HPS5: variants seen among roughly 807,000 people sequenced by gnomAD.
HPS5 encodes the protein BLOC-2 complex member HPS5.
HPS5 carries 83 observed loss-of-function variants against 128.0 expected under a neutral mutation model. The ratio of observed to expected loss-of-function variants is 0.65; its 90% CI spans 0.54 to 0.78. The LOEUF (loss-of-function observed/expected upper bound fraction) is 0.78. Among genes scored for constraint, HPS5 ranks in the 30% least tolerant of loss-of-function variants. The pLI, the probability that HPS5 is intolerant of heterozygous loss-of-function variation, is 0.00. For synonymous variants in HPS5, 475 were observed against 470.2 expected (o/e 1.01, Z -0.13); for missense variants, 1,281 against 1,326.2 (o/e 0.97, Z 0.53).
intron 22 of HPS5, among the ~76,000 whole-genome samples, chr11:18,280,816 A>G (rs1858797393): frequency 6.6e-6 from 1 of 152,216 alleles, no homozygotes; most frequent in Non-Finnish European, 1.5e-5. Context: ...AATTCCACTG[A>G]GATGAGGTAT....
At chr11:18,297,946 G>A (rs1308599795) in intron 10 of HPS5, among the ~76,000 whole-genome samples, 1 of 151,772 alleles carries the variant, frequency 6.6e-6, no homozygotes, top group East Asian at 1.9e-4. Flanking sequence ...TGGGCATGGG[G>A]GCAGGCATCT....
intron 2 of HPS5, among the ~76,000 whole-genome samples, chr11:18,312,270 T>C (rs1247563928): frequency 6.6e-6 from 1 of 152,210 alleles, no homozygotes; most frequent in African/African-American, 2.4e-5. Context: ...ATTGTATGAG[T>C]AATTTTCCCT....
At chr11:18,281,627 A>T (rs537147982) in intron 22 of HPS5, among the ~76,000 whole-genome samples, 1 of 151,974 alleles carries the variant, frequency 6.6e-6, no homozygotes, top group East Asian at 1.9e-4. Context: ...GATGGTCTCA[A>T]TCTCTTGACC....
At chr11:18,297,805 C>G (rs1432805579) in intron 10 of HPS5, 88 bp from the exon 11 acceptor site, 1 of 1,247,422 alleles carries the variant, frequency 8.0e-7, no homozygotes, top group Admixed American at 1.7e-5. Flanking sequence ...CTAGGCCGGG[C>G]ACGGTGGCTC....
Position 18,279,784 on chromosome 11 carries a change from G to T in HPS5, c.*98C>A. ...CCCAATAAGATGGCAGGATTTGGGG[G>T]TGGTGTCTTTCCTTCAATAACAAAT... On this transcript the variant is annotated 3_prime_UTR_variant, in exon 23 of 23. Coordinates refer to ENST00000349215, the MANE Select transcript of HPS5 (RefSeq NM_181507.2). The T allele has an allele frequency of 8.7e-7, 1 of 1,148,864 alleles. No individual in the cohort carries two copies. Among genetic ancestry groups the T allele is most frequent in the Non-Finnish European group, 1.3e-6 (1 of 767,398 alleles). 71.2% of individuals were successfully genotyped at this position (1,148,864 alleles called of 1,614,324 possible).
chr11:18,288,203 C>A (rs1057061940), intron 16 of HPS5, among the ~76,000 whole-genome samples, 190 bp from the exon 17 acceptor site: 1 of 152,082 alleles, frequency 6.6e-6, no homozygotes, highest in Admixed American at 6.6e-5. Context: ...CTTTTAAGAA[C>A]CTTAAAATCT....
In HPS5 at chr11:18,310,753, A is replaced by G. The variant is rs755542368; in HGVS notation, c.465T>C (p.Ser155=). 1 of 1,613,356 alleles carries G rather than the reference A, an allele frequency of 6.2e-7. No individual in the cohort carries two copies. The highest frequency in any genetic ancestry group is 8.5e-7 in the Non-Finnish European group (1 of 1,179,352). The change falls in exon 5 of 23, where the codon TCT becomes TCC. Residue 155 remains serine, a synonymous_variant. Coordinates refer to ENST00000349215, the MANE Select transcript of HPS5 (RefSeq NM_181507.2). ...GKVSAIKLNT[S]KQAKAAAAFV... Reference sequence around the variant, plus strand: ...GACTGCTTCTCACCTTTGCTTGTTTAGAAGTATTGAGTTTGATAGCAGAAA... The same window carrying G: ...GACTGCTTCTCACCTTTGCTTGTTTGGAAGTATTGAGTTTGATAGCAGAAA...
At chr11:18,280,088 A>C (rs1564919867) in intron 22 of HPS5, 146 bp from the exon 23 acceptor site, 4 of 767,396 alleles carry the variant, frequency 5.2e-6, no homozygotes, top group Non-Finnish European at 4.5e-6. Context: ...GTGAAAAGGC[A>C]ACCTACAGAA....
Position 18,306,241 on chromosome 11 carries a change from G to A in HPS5, c.718C>T (p.Arg240Cys), listed in dbSNP as rs181011884. The change falls in exon 7 of 23, where the codon CGC becomes TGC. Residue 240 changes from arginine (R) to cysteine (C), a missense_variant. By Grantham distance (180) the Arg-to-Cys change is radical. Coordinates refer to ENST00000349215, the MANE Select transcript of HPS5 (RefSeq NM_181507.2). ...GGQQPLIYCARPGSRMWEVNF... is the reference protein window; with the variant it reads ...GGQQPLIYCACPGSRMWEVNF... ...ACTTCCCACATCCTAGAGCCTGGGC[G>A]AGCACAATATATCAGAGGTTGCTGG... is the stretch of plus-strand genomic sequence containing the variant. 2.2e-4 allele frequency: 347 copies of A among 1,613,748 alleles called. 1 individual carries two copies. Among genetic ancestry groups the A allele is most frequent in the South Asian group, 2.7e-4 (25 of 91,060 alleles).
At chr11:18,288,147 A>G in intron 16 of HPS5, 134 bp from the exon 17 acceptor site, 1 of 873,526 alleles carries the variant, frequency 1.1e-6, no homozygotes, top group Non-Finnish European at 1.8e-6. Flanking sequence ...CCCAATATTA[A>G]GCATTACAAG....
At chr11:18,290,932 A>C (rs1860320234) in intron 16 of HPS5, among the ~76,000 whole-genome samples, 1 of 151,458 alleles carries the variant, frequency 6.6e-6, no homozygotes, top group South Asian at 2.1e-4. Flanking sequence ...AAAAATAAAA[A>C]ATAGGGCCAG....
rs1554948898 is a variant in HPS5, at chr11:18,319,294, CAT to C, written c.-49-1389_-49-1388del. ...ACACACACACACACACACACACACA[CAT>C]CTTATAAGGGAAACATAAGCAAACT... is the stretch of plus-strand genomic sequence containing the variant. On this transcript the variant is annotated intron_variant, in intron 1 of 22. Coordinates refer to ENST00000349215, the MANE Select transcript of HPS5 (RefSeq NM_181507.2). Among the ~76,000 whole-genome samples, 117 of 103,386 alleles carry C rather than the reference CAT, an allele frequency of 1.1e-3. 1 individual carries two copies. Among genetic ancestry groups the C allele is most frequent in the Admixed American group, 1.9e-3 (16 of 8,554 alleles). 67.8% of individuals were successfully genotyped at this position (103,386 alleles called of 152,430 possible).
At chr11:18,303,235 C>T (rs2134401165) in intron 8 of HPS5, among the ~76,000 whole-genome samples, 1 of 150,544 alleles carries the variant, frequency 6.6e-6, no homozygotes, top group East Asian at 2.0e-4. Context: ...TTGTTGAATT[C>T]ACTATCATTT....
At chr11:18,297,824 A>T in intron 10 of HPS5, 107 bp from the exon 11 acceptor site, 1 of 1,088,518 alleles carries the variant, frequency 9.2e-7, no homozygotes, top group Non-Finnish European at 1.4e-6. Context: ...TCACGCCTGT[A>T]ATCCCAGCAC....
chr11:18,311,516 T>TTA, intron 3 of HPS5, 65 bp from the exon 4 acceptor site: 4 of 868,770 alleles, frequency 4.6e-6, no homozygotes, highest in Admixed American at 3.5e-5. Flanking sequence ...TTATTATTTT[T>TTA]TTTTTTTTTT....
intron 2 of HPS5, among the ~76,000 whole-genome samples, chr11:18,313,468 A>T (rs1863233778): frequency 6.6e-6 from 1 of 152,238 alleles, no homozygotes; most frequent in African/African-American, 2.4e-5. Flanking sequence ...TTTGCTAAAC[A>T]ACTCAGAATC....
rs1046611 is a variant in HPS5 at position 18,279,418 on chromosome 11, G to T, written c.*464C>A. 62,802 of 169,528 alleles carry T rather than the reference G, an allele frequency of 0.37. 14,067 individuals are homozygous for T. Among genetic ancestry groups the T allele is most frequent in the Non-Finnish European group, 0.49 (38,292 of 77,524 alleles). The allele number at this position is 169,528 out of a possible 1,614,324, so 10.5% of individuals were successfully genotyped here. On this transcript the variant is annotated 3_prime_UTR_variant, in exon 23 of 23. Transcript: ENST00000349215. ...TTCCATTATACACCGTCTTATTTCAGTAATTTCCATATTGTGCCAGACAAG... is the reference window on the plus strand; with the variant it reads ...TTCCATTATACACCGTCTTATTTCATTAATTTCCATATTGTGCCAGACAAG...
At chr11:18,280,999 T>C (rs78651897) in intron 22 of HPS5, among the ~76,000 whole-genome samples, 4,114 of 152,188 alleles carry the variant, frequency 0.027, 147 homozygotes, top group African/African-American at 0.085. Flanking sequence ...AGCTGAATAT[T>C]TTTAAATTGT....
intron 1 of HPS5, 145 bp downstream of exon 1, chr11:18,321,801 G>T (rs577604338): frequency 6.6e-6 from 1 of 152,244 alleles, no homozygotes; most frequent in East Asian, 1.9e-4. Flanking sequence ...TCAGACAAAT[G>T]GCGACTGACT....
Sources: allele counts gnomAD v4.1 joint callset (sites outside exome capture counted in the v4.1 genomes callset), GRCh38; gene constraint gnomAD v4.1.1; transcripts MANE v1.5; gene names NCBI Gene and HGNC (gene_info 2026-07-23, HGNC 2026-07-21).